Variants in TRAPPC9 observed in about 807,000 individuals in gnomAD.
The protein encoded by TRAPPC9 is trafficking protein particle complex subunit 9, also known as IKK2 binding protein.
A neutral mutation model predicts 124.0 loss-of-function variants in TRAPPC9; 83 were observed. The observed-to-expected ratio is 0.67, with a 90% confidence interval of 0.56 to 0.80. The LOEUF is 0.80. TRAPPC9 is among the 30% of genes least tolerant of loss of function. The pLI is 0.00. For synonymous variants in TRAPPC9, 638 were observed against 617.5 expected (o/e 1.03, Z -0.49); for missense variants, 1,302 against 1,508.3 (o/e 0.86, Z 2.27).
intron 19 of TRAPPC9, among the ~76,000 whole-genome samples, chr8:139,917,167 CTTTTTTTTT>C (rs71318317): frequency 4.0e-5 from 4 of 99,922 alleles, no homozygotes; most frequent in Non-Finnish European, 7.2e-5. Flanking sequence ...TTATTATTTT[CTTTTTTTTT>C]TTTTTTTTTT....
chr8:140,102,446 A>C (rs916660495), intron 17 of TRAPPC9, among the ~76,000 whole-genome samples: 1 of 152,034 alleles, frequency 6.6e-6, no homozygotes, highest in Non-Finnish European at 1.5e-5. Context: ...ATATTTGTCC[A>C]ATAAATAAAA....
At chr8:140,432,295 C>G (rs1332170016) in intron 4 of TRAPPC9, among the ~76,000 whole-genome samples, 1 of 152,058 alleles carries the variant, frequency 6.6e-6, no homozygotes, top group African/African-American at 2.4e-5. Context: ...AAAAGTGTAA[C>G]TAGCACATAC....
chr8:139,840,420 T>G (rs1207079596), intron 21 of TRAPPC9, among the ~76,000 whole-genome samples: 1 of 152,204 alleles, frequency 6.6e-6, no homozygotes, highest in East Asian at 1.9e-4. Flanking sequence ...CCATTGAGAC[T>G]CAAATGCTTA....
chr8:140,372,233 C>T (rs2068302812), intron 7 of TRAPPC9, among the ~76,000 whole-genome samples: 1 of 152,240 alleles, frequency 6.6e-6, no homozygotes, highest in Non-Finnish European at 1.5e-5. Flanking sequence ...GCAGAGCCCA[C>T]TCTGCTGCTC....
chr8:139,748,722 G>A (rs1222197880), intron 21 of TRAPPC9, among the ~76,000 whole-genome samples: 1 of 152,052 alleles, frequency 6.6e-6, no homozygotes, highest in Non-Finnish European at 1.5e-5. Context: ...TTCCCTCCCA[G>A]GGACCTCTGT....
intron 19 of TRAPPC9, among the ~76,000 whole-genome samples, chr8:139,964,180 C>T (rs913051387): frequency 2.6e-4 from 38 of 148,296 alleles, no homozygotes; most frequent in African/African-American, 9.0e-4. Context: ...GCAGAGATCG[C>T]GCCACCTGTA....
intron 20 of TRAPPC9, among the ~76,000 whole-genome samples, chr8:139,892,852 C>T (rs1233950081): frequency 2.0e-5 from 3 of 152,188 alleles, no homozygotes; most frequent in Admixed American, 6.5e-5. Flanking sequence ...AAGCCACAGG[C>T]ACTCCTCTGC....
chr8:140,324,511 C>A (rs535547258), intron 9 of TRAPPC9, among the ~76,000 whole-genome samples: 15 of 152,338 alleles, frequency 9.8e-5, no homozygotes, highest in African/African-American at 3.4e-4. Context: ...TGGCTCACAT[C>A]TGTAATCCCG....
rs187123444 is a variant in TRAPPC9 at position 139,973,770 on chromosome 8, G to C, written c.2810+14956C>G. Among the ~76,000 whole-genome samples, 412 of 152,240 alleles carry C rather than the reference G, an allele frequency of 2.7e-3. 3 individuals are homozygous for C. Among genetic ancestry groups the C allele is most frequent in the African/African-American group, 8.5e-3 (354 of 41,540 alleles). On this transcript the variant is annotated intron_variant, in intron 19 of 22. Transcript: ENST00000438773. The stretch of plus-strand genomic sequence containing the variant: ...ACATGCAGGACCCTCTGGGAGGCTG[G>C]GGGAGGAGGCCGAGGTGAGTGCCAG...
chr8:140,188,715 C>T (rs2062406137), intron 17 of TRAPPC9, among the ~76,000 whole-genome samples: 1 of 152,216 alleles, frequency 6.6e-6, no homozygotes, highest in Non-Finnish European at 1.5e-5. Context: ...TCTTCACTTT[C>T]CTGACTGCCC....
rs191220850 is a variant in TRAPPC9 at position 139,990,320 on chromosome 8, C to T, written c.2700-1484G>A. Among the ~76,000 whole-genome samples the T allele has an allele frequency of 3.4e-4, 51 of 152,190 alleles. 2 individuals are homozygous for T. The highest frequency in any genetic ancestry group is 1.1e-3 in the African/African-American group (47 of 41,534). ...TGCCCGAGGCCCTGGATGCAGAGCT[C>T]GAAACCCTCGGCTTTTCCCAATAGA... On this transcript the variant is annotated intron_variant, in intron 18 of 22. Coordinates refer to ENST00000438773, the MANE Select transcript of TRAPPC9 (RefSeq NM_001160372.4).
intron 17 of TRAPPC9, among the ~76,000 whole-genome samples, chr8:140,147,296 G>A (rs2061477343): frequency 6.6e-6 from 1 of 152,198 alleles, no homozygotes; most frequent in South Asian, 2.1e-4. Flanking sequence ...TCTCTCCTCT[G>A]GGTCAACCCT....
intron 21 of TRAPPC9, among the ~76,000 whole-genome samples, chr8:139,838,430 T>C (rs1207171922): frequency 6.6e-6 from 1 of 152,162 alleles, no homozygotes; most frequent in Non-Finnish European, 1.5e-5. Flanking sequence ...ATGAATAACT[T>C]AGGCCATGAC....
At chr8:140,021,101 G>C (rs1563695145) in intron 18 of TRAPPC9, among the ~76,000 whole-genome samples, 1 of 152,136 alleles carries the variant, frequency 6.6e-6, no homozygotes, top group African/African-American at 2.4e-5. Flanking sequence ...TTTACGTTTA[G>C]TGTAACTCTG....
intron 21 of TRAPPC9, 57 bp downstream of exon 21, chr8:139,885,822 A>G (rs993658848): frequency 6.6e-7 from 1 of 1,509,482 alleles, no homozygotes; most frequent in Non-Finnish European, 9.0e-7. Flanking sequence ...TTGCTCGTGC[A>G]TTTGGAGAAA....
At chr8:139,812,825 T>C (rs749332911) in intron 21 of TRAPPC9, among the ~76,000 whole-genome samples, 3 of 152,160 alleles carry the variant, frequency 2.0e-5, no homozygotes, top group Admixed American at 6.5e-5. Flanking sequence ...ATAGCTAAGG[T>C]GAACCTCAGT....
At chr8:140,126,432 C>T (rs1243639139) in intron 17 of TRAPPC9, among the ~76,000 whole-genome samples, 1 of 152,146 alleles carries the variant, frequency 6.6e-6, no homozygotes, top group African/African-American at 2.4e-5. Context: ...GGAGTTCTCT[C>T]AAGGAACGTC....
chr8:140,277,554 A>G (rs1456301743), intron 14 of TRAPPC9, among the ~76,000 whole-genome samples: 1 of 152,258 alleles, frequency 6.6e-6, no homozygotes, highest in Non-Finnish European at 1.5e-5. Context: ...AAACAAAACA[A>G]AACAACGCTT....
intron 18 of TRAPPC9, among the ~76,000 whole-genome samples, chr8:140,019,172 T>C (rs1839665743): frequency 6.6e-6 from 1 of 152,198 alleles, no homozygotes; most frequent in African/African-American, 2.4e-5. Context: ...GTTCATGCTG[T>C]TTTGTCCCTT....
Sources: gnomAD v4.1 joint callset for allele counts (sites outside exome capture counted in the v4.1 genomes callset) on GRCh38, gnomAD v4.1.1 for gene constraint, MANE v1.5 for transcripts, NCBI Gene and HGNC (gene_info 2026-07-23, HGNC 2026-07-21) for gene names.